Variants in BCAS3 observed in about 807,000 individuals in gnomAD.
The protein encoded by BCAS3 is BCAS4/BCAS3 fusion.
A neutral mutation model predicts 116.1 loss-of-function variants in BCAS3; 53 were observed. The observed-to-expected ratio is 0.46, with a 90% CI of 0.37 to 0.57. The LOEUF is 0.57. Among genes scored for constraint, BCAS3 ranks in the 20% least tolerant of loss-of-function variants. BCAS3 has a pLI of 0.00. For synonymous variants in BCAS3, 391 were observed against 408.2 expected, an observed-to-expected ratio of 0.96 and a Z score of 0.51; for missense variants, 917 against 1,165.4, an observed-to-expected ratio of 0.79 and a Z score of 3.10.
chr17:60,731,675 T>A (rs1310866906), intron 5 of BCAS3, among the ~76,000 whole-genome samples: 1 of 152,250 alleles, frequency 6.6e-6, no homozygotes, highest in East Asian at 1.9e-4. Flanking sequence ...ACATTTTCTA[T>A]ATATGTTTAA....
At chr17:60,880,537 C>G (rs963000124) in intron 9 of BCAS3, among the ~76,000 whole-genome samples, 1 of 152,196 alleles carries the variant, frequency 6.6e-6, no homozygotes, top group Non-Finnish European at 1.5e-5. Flanking sequence ...ATCCGTCCTC[C>G]TTGGCCTCCG....
rs545544510 is a variant in BCAS3, at chr17:61,235,151, T to C, written c.2426-133176T>C. On this transcript the variant is annotated intron_variant, in intron 22 of 23. Transcript: ENST00000407086. The surrounding 1 kb of genome is among the most constrained non-coding windows in gnomAD (Gnocchi z 5.0). ...ATCCGCCCACTTCGGTCTTCCAAAGTGCTGGGATTATAGGCGTGAACCACC... is the reference window on the plus strand; with the variant it reads ...ATCCGCCCACTTCGGTCTTCCAAAGCGCTGGGATTATAGGCGTGAACCACC... 2.0e-5 allele frequency among the ~76,000 whole-genome samples: 3 copies of C among 152,322 alleles called. No homozygotes were observed. The highest frequency in any genetic ancestry group is 7.2e-5 in the African/African-American group (3 of 41,588).
intron 10 of BCAS3, among the ~76,000 whole-genome samples, chr17:60,899,642 C>T (rs2057748509): frequency 6.6e-6 from 1 of 152,190 alleles, no homozygotes; most frequent in South Asian, 2.1e-4. Context: ...GGATTATAGG[C>T]ATGCACCACC....
At chr17:60,944,724 A>G (rs2060395502) in intron 13 of BCAS3, among the ~76,000 whole-genome samples, 1 of 152,186 alleles carries the variant, frequency 6.6e-6, no homozygotes, top group Admixed American at 6.5e-5. Context: ...ACATTTGACA[A>G]TCAGTTATTG....
intron 5 of BCAS3, among the ~76,000 whole-genome samples, chr17:60,714,361 C>T (rs1167531575): frequency 6.6e-6 from 1 of 152,090 alleles, no homozygotes; most frequent in Non-Finnish European, 1.5e-5. Context: ...GCTCAGGACT[C>T]CCTCTTGTTG....
chr17:61,371,920 C>T (rs949248893), intron 23 of BCAS3, among the ~76,000 whole-genome samples: 5 of 152,174 alleles, frequency 3.3e-5, no homozygotes, highest in Admixed American at 6.5e-5. Flanking sequence ...TTCTTTGGTC[C>T]GTGATGGATG....
chr17:60,733,116 T>C (rs2040624847), intron 5 of BCAS3, among the ~76,000 whole-genome samples: 1 of 152,340 alleles, frequency 6.6e-6, no homozygotes, highest in East Asian at 1.9e-4. Flanking sequence ...AATATACAAT[T>C]ATACATTTAA....
At chr17:60,774,355 G>A (rs868713183) in intron 6 of BCAS3, among the ~76,000 whole-genome samples, 1 of 152,118 alleles carries the variant, frequency 6.6e-6, no homozygotes, top group Non-Finnish European at 1.5e-5. Flanking sequence ...CTGGAGACAT[G>A]TTCACTTTCC....
chr17:60,924,408 T>C lies in BCAS3; in HGVS notation c.995T>C (p.Val332Ala). The part of the protein sequence containing the change: ...IDTETVGEGQ[V>A]LVSEDSDSDG... ...ATTTGTCTTTATTTCTTTGTGAAGG[T>C]GCTTGTGAGTGAGGATTCTGACAGT... Residue 332 changes from valine to alanine, a missense_variant and splice_region_variant, in exon 13 of 24, where the codon GTG (valine) becomes GCG (alanine). Val to Ala is a moderately conservative substitution (Grantham distance 64). Transcript: ENST00000407086. 3 of 1,613,656 alleles carry C rather than the reference T, an allele frequency of 1.9e-6. No individual in the cohort carries two copies. Among genetic ancestry groups the C allele is most frequent in the Non-Finnish European group, 2.5e-6 (3 of 1,179,676 alleles).
chr17:60,810,874 G>A lies in BCAS3; in HGVS notation c.476+2798G>A, dbSNP rs189799723. On this transcript the variant is annotated intron_variant, in intron 7 of 23. Coordinates refer to ENST00000407086, the MANE Select transcript of BCAS3 (RefSeq NM_017679.5). ...TGCCAGCTCTGGGTTGACCATGGAG[G>A]TAGATGCCCCCAAATCTCAGGATCT... 2.9e-4 allele frequency: 206 copies of A among 703,638 alleles called. 1 individual carries two copies. Among genetic ancestry groups the A allele is most frequent in the South Asian group, 4.1e-4 (30 of 72,906 alleles). The allele number at this position is 703,638 out of a possible 1,614,324, so 43.6% of individuals were successfully genotyped here.
At chr17:60,878,406 G>A (rs2055821086) in intron 9 of BCAS3, among the ~76,000 whole-genome samples, 1 of 152,164 alleles carries the variant, frequency 6.6e-6, no homozygotes, top group African/African-American at 2.4e-5. Context: ...GAAAGGGAGT[G>A]TAAGAATGTG....
At chr17:60,989,150 A>G (rs557310180) in intron 14 of BCAS3, among the ~76,000 whole-genome samples, 2 of 152,220 alleles carry the variant, frequency 1.3e-5, no homozygotes, top group East Asian at 1.9e-4. Flanking sequence ...CTATTTGACA[A>G]TTGTTTTAGG....
chr17:60,682,025 C>T (rs763834385), intron 2 of BCAS3, among the ~76,000 whole-genome samples: 4 of 152,036 alleles, frequency 2.6e-5, no homozygotes, highest in Admixed American at 6.6e-5. Context: ...CCACCGCGCC[C>T]GGCCTAATTT....
At chr17:60,819,479 A>G (rs1426110453) in intron 7 of BCAS3, among the ~76,000 whole-genome samples, 2 of 152,218 alleles carry the variant, frequency 1.3e-5, no homozygotes, top group Non-Finnish European at 2.9e-5. Flanking sequence ...GTGATATTGA[A>G]ATTGGTACAG....
chr17:61,109,532 C>A (rs962147404), intron 22 of BCAS3, among the ~76,000 whole-genome samples: 1 of 152,298 alleles, frequency 6.6e-6, no homozygotes, highest in African/African-American at 2.4e-5. Flanking sequence ...ACACTGTTTT[C>A]CATACTGGTT....
chr17:61,208,276 C>G lies in BCAS3; in HGVS notation c.2425+123712C>G, dbSNP rs377505139. Among the ~76,000 whole-genome samples, 2 of 152,078 alleles carry G rather than the reference C, an allele frequency of 1.3e-5. No homozygotes were observed. Among genetic ancestry groups the G allele is most frequent in the East Asian group, 1.9e-4 (1 of 5,190 alleles). ...GACTTTTCACTGTGTTTCATTTTGT[C>G]TAAAGCGGGACTCTTCTCCTCCCAG... On this transcript the variant is annotated intron_variant, in intron 22 of 23. Coordinates refer to ENST00000407086, the MANE Select transcript of BCAS3 (RefSeq NM_017679.5). The surrounding 1 kb of genome is among the most constrained non-coding windows in gnomAD (Gnocchi z 4.5).
At chr17:61,280,754 G>A (rs2051167207) in intron 22 of BCAS3, among the ~76,000 whole-genome samples, 1 of 152,200 alleles carries the variant, frequency 6.6e-6, no homozygotes, top group African/African-American at 2.4e-5. Context: ...TCTTATGACA[G>A]ATTAGTGCTT....
At chr17:60,755,618 G>A (rs1197490463) in intron 6 of BCAS3, among the ~76,000 whole-genome samples, 2 of 152,118 alleles carry the variant, frequency 1.3e-5, no homozygotes, top group Non-Finnish European at 2.9e-5. Flanking sequence ...GGATTACTAT[G>A]TAATGTATTT....
chr17:61,204,372 C>G lies in BCAS3; in HGVS notation c.2425+119808C>G, dbSNP rs753391254. On this transcript the variant is annotated intron_variant, in intron 22 of 23. Coordinates refer to ENST00000407086, the MANE Select transcript of BCAS3 (RefSeq NM_017679.5). The surrounding 1 kb of genome is among the most constrained non-coding windows in gnomAD (Gnocchi z 4.2). ...TTCTAGATATCACATTTTACGGGAC[C>G]TTTACATTTAGTTCACTATTTTTTG... Among the ~76,000 whole-genome samples the G allele has an allele frequency of 6.6e-6, 1 of 152,152 alleles. No homozygotes were observed. Among genetic ancestry groups the G allele is most frequent in the Non-Finnish European group, 1.5e-5 (1 of 68,042 alleles).
Sources: allele counts gnomAD v4.1 joint callset (sites outside exome capture counted in the v4.1 genomes callset), GRCh38; gene constraint gnomAD v4.1.1; non-coding constraint Gnocchi (gnomAD v3.1); transcripts MANE v1.5; gene names NCBI Gene and HGNC (gene_info 2026-07-23, HGNC 2026-07-21).